Variants in RBFOX3 observed in about 807,000 individuals in gnomAD.
RBFOX3 encodes RNA binding fox-1 homolog 3, also known as RNA binding protein fox-1 homolog 3.
RBFOX3 carries 17 observed loss-of-function variants against 48.7 expected under a neutral mutation model. The observed-to-expected ratio is 0.35, with a 90% CI of 0.24 to 0.52. RBFOX3 has a LOEUF of 0.52. Ranked by LOEUF, RBFOX3 falls within the 20% of genes least tolerant of loss-of-function variation. RBFOX3 has a pLI of 0.94. For synonymous variants in RBFOX3, 212 were observed against 209.5 expected (o/e 1.01, Z -0.10); for missense variants, 382 against 497.5 (o/e 0.77, Z 2.21).
At chr17:79,561,860 C>A (rs1286904796) in intron 1 of RBFOX3, among the ~76,000 whole-genome samples, 1 of 152,140 alleles carries the variant, frequency 6.6e-6, no homozygotes, top group East Asian at 1.9e-4. Context: ...CGGGCAGGAA[C>A]GCCCAGCAAA....
chr17:79,448,966 A>G (rs1322760361), intron 2 of RBFOX3, among the ~76,000 whole-genome samples: 1 of 152,048 alleles, frequency 6.6e-6, no homozygotes, highest in African/African-American at 2.4e-5. Flanking sequence ...GGGCACTAGA[A>G]GGGTCACTTT....
At chr17:79,640,739 C>A in the RBFOX3 span, among the ~76,000 whole-genome samples, 1 of 152,078 alleles carries the variant, frequency 6.6e-6, no homozygotes, top group African/African-American at 2.4e-5. Flanking sequence ...TTTAAAAAAA[C>A]TGAAGATTCA....
At chr17:79,451,821 G>T (rs143442728) in intron 2 of RBFOX3, among the ~76,000 whole-genome samples, 42 of 152,338 alleles carry the variant, frequency 2.8e-4, no homozygotes, top group African/African-American at 9.4e-4. Flanking sequence ...TGACAGCATC[G>T]CAGTGTTCGT....
rs977515965 is a variant in RBFOX3, at chr17:79,242,189, G to A, written c.-73-6384C>T. 6.6e-6 allele frequency among the ~76,000 whole-genome samples: 1 copy of A among 152,136 alleles called. No individual in the cohort carries two copies. ...CCTTGGGAGCTCTGGTTCCCAGCGT[G>A]CTGCTGCTGCTGGTGGAGGGGGTGC... On this transcript the variant is annotated intron_variant, in intron 3 of 14. Coordinates refer to ENST00000693108, the MANE Select transcript of RBFOX3 (RefSeq NM_001350451.2). The surrounding 1 kb of genome is among the most constrained non-coding windows in gnomAD (Gnocchi z 5.8).
At chr17:79,407,432 G>A (rs983596316) in intron 2 of RBFOX3, among the ~76,000 whole-genome samples, 3 of 152,278 alleles carry the variant, frequency 2.0e-5, no homozygotes, top group African/African-American at 7.2e-5. Context: ...CCCTGGGGGA[G>A]GACAGGAAGG....
At chr17:79,114,615 T>C (rs1331673865) in intron 5 of RBFOX3, among the ~76,000 whole-genome samples, 2 of 152,300 alleles carry the variant, frequency 1.3e-5, no homozygotes, top group Admixed American at 6.5e-5. Context: ...GGGACCCCCA[T>C]TGGGAGCCGC....
At chr17:79,330,458 T>C (rs1006328166) in intron 2 of RBFOX3, among the ~76,000 whole-genome samples, 73 of 5,190 alleles carry the variant, frequency 0.014, no homozygotes, top group Non-Finnish European at 0.033. Flanking sequence ...CTGTTGTGGT[T>C]TTTTTTCTTT....
intron 2 of RBFOX3, among the ~76,000 whole-genome samples, chr17:79,401,306 C>T (rs963248847): frequency 1.3e-5 from 2 of 152,214 alleles, no homozygotes; most frequent in Non-Finnish European, 2.9e-5. Context: ...CGCGCCCCAC[C>T]AGGTGGTAGA....
At chr17:79,517,941 T>C (rs1375061071) in intron 1 of RBFOX3, among the ~76,000 whole-genome samples, 1 of 152,156 alleles carries the variant, frequency 6.6e-6, no homozygotes. Context: ...GTATTGATCC[T>C]GAAGTGCAGA....
chr17:79,227,423 G>A (rs914701790), intron 4 of RBFOX3, among the ~76,000 whole-genome samples: 74 of 152,322 alleles, frequency 4.9e-4, no homozygotes, highest in African/African-American at 1.8e-3. Flanking sequence ...GGTGAGTATT[G>A]TTTGAGCATC....
chr17:79,309,201 G>A (rs2076505193), intron 2 of RBFOX3, among the ~76,000 whole-genome samples: 1 of 152,130 alleles, frequency 6.6e-6, no homozygotes, highest in South Asian at 2.1e-4. Flanking sequence ...AGCCTCACGT[G>A]GCTTGTATTC....
In RBFOX3 at chr17:79,141,813, A is replaced by C. The variant is rs540866838; in HGVS notation, c.-33-26065T>G. The stretch of plus-strand genomic sequence containing the variant: ...GGACGACACAGTGCCCCCCGGTCGC[A>C]AGCAAAACAGACAGTGATGCCGAAA... On this transcript the variant is annotated intron_variant, in intron 4 of 14. Coordinates refer to ENST00000693108, the MANE Select transcript of RBFOX3 (RefSeq NM_001350451.2). 5.9e-5 allele frequency among the ~76,000 whole-genome samples: 9 copies of C among 152,262 alleles called. No individual in the cohort carries two copies. The East Asian group carries it at 1.7e-3, about 29-fold the overall frequency.
At chr17:79,093,790 GCC>G (rs1491501041) in intron 14 of RBFOX3, among the ~76,000 whole-genome samples, 12 of 76,486 alleles carry the variant, frequency 1.6e-4, no homozygotes, top group African/African-American at 5.9e-4. Flanking sequence ...TCAACAGCTG[GCC>G]ACACACACAC....
chr17:79,613,372 C>T (rs1015428435), upstream of RBFOX3, among the ~76,000 whole-genome samples: 9 of 152,362 alleles, frequency 5.9e-5, no homozygotes, highest in Admixed American at 1.3e-4. Flanking sequence ...AGAGAGTTTG[C>T]CCTTCGTGCT....
At chr17:79,296,543 A>AC (rs1254131175) in intron 3 of RBFOX3, among the ~76,000 whole-genome samples, 1 of 151,906 alleles carries the variant, frequency 6.6e-6, no homozygotes, top group African/African-American at 2.4e-5. Flanking sequence ...CCCCAGTCTA[A>AC]CCCCTCCCCG....
rs2057247757 is a variant in RBFOX3, at chr17:79,363,252, C to T, written c.-174-55428G>A. The stretch of plus-strand genomic sequence containing the variant: ...ATGCACAGAGAGGGGACATGGCTCA[C>T]GGGTGACAGTTAGGGTCAATGTGCA... On this transcript the variant is annotated intron_variant, in intron 2 of 14. Transcript: ENST00000693108. This position sits in a 1 kb window ranked among gnomAD's most constrained non-coding sequence, Gnocchi z 4.7. Among the ~76,000 whole-genome samples the T allele has an allele frequency of 6.6e-6, 1 of 152,056 alleles. No individual in the cohort carries two copies. The highest frequency in any genetic ancestry group is 1.5e-5 in the Non-Finnish European group (1 of 68,008).
chr17:79,585,064 C>T (rs938803402), intron 1 of RBFOX3, among the ~76,000 whole-genome samples: 1 of 151,774 alleles, frequency 6.6e-6, no homozygotes, highest in African/African-American at 2.4e-5. Context: ...GGCGCCCAGC[C>T]GATAAATTGG....
chr17:79,497,467 T>C (rs1209664876), intron 1 of RBFOX3, among the ~76,000 whole-genome samples: 2 of 152,102 alleles, frequency 1.3e-5, no homozygotes, highest in East Asian at 1.9e-4. Context: ...CAATCATCAA[T>C]GTAATGATAA....
chr17:79,614,414 TAG>T (rs1286543860), upstream of RBFOX3, among the ~76,000 whole-genome samples: 1 of 152,080 alleles, frequency 6.6e-6, no homozygotes, highest in East Asian at 1.9e-4. Context: ...AACCTGAAGA[TAG>T]AGCTTTGCTG....
Sources: gnomAD v4.1 joint callset for allele counts (sites outside exome capture counted in the v4.1 genomes callset) on GRCh38, gnomAD v4.1.1 for gene constraint, Gnocchi (gnomAD v3.1) non-coding constraint, MANE v1.5 for transcripts, NCBI Gene and HGNC (gene_info 2026-07-23, HGNC 2026-07-21) for gene names.